Variants in AP1B1 observed in about 807,000 individuals in gnomAD.
The protein encoded by AP1B1 is AP-1 complex subunit beta-1.
In AP1B1, 36 loss-of-function variants were observed where a neutral mutation model predicts 104.3. The ratio of observed to expected loss-of-function variants is 0.35; its 90% CI spans 0.26 to 0.46. AP1B1 has a LOEUF of 0.46. Ranked by LOEUF, AP1B1 falls within the 20% of genes least tolerant of loss-of-function variation. AP1B1 has a pLI of 1.00. For missense variants in AP1B1, 901 were observed against 1,247.9 expected, an observed-to-expected ratio of 0.72 and a Z score of 4.19; for synonymous variants, 504 against 517.5, an observed-to-expected ratio of 0.97 and a Z score of 0.35.
chr22:29,358,895 G>A lies in AP1B1; in HGVS notation c.356C>T (p.Thr119Ile). The A allele has an allele frequency of 1.2e-6, 2 of 1,613,716 alleles. No homozygotes were observed. The highest frequency in any genetic ancestry group is 1.7e-6 in the Non-Finnish European group (2 of 1,179,860). ...TMGCIRVDKI[T>I]EYLCEPLRKC... The stretch of plus-strand genomic sequence containing the variant: ...CCGGAGTGGCTCGCACAGGTACTCT[G>A]TGATCTTGTCAACGCGGATGCAGCC... Residue 119 changes from threonine (T) to isoleucine (I), a missense_variant, in exon 5 of 23, where the codon ACA becomes ATA. Thr to Ile is a moderately conservative substitution (Grantham distance 89). Coordinates refer to ENST00000357586, the MANE Select transcript of AP1B1 (RefSeq NM_001127.4).
intron 1 of AP1B1, among the ~76,000 whole-genome samples, chr22:29,385,825 C>T (rs1232951032): frequency 6.6e-6 from 1 of 152,198 alleles, no homozygotes; most frequent in Non-Finnish European, 1.5e-5. Flanking sequence ...TGCTTACTGT[C>T]AGCATGTCAG....
chr22:29,334,415 A>G lies in AP1B1; in HGVS notation c.2164-5T>C. On this transcript the variant is annotated splice_region_variant and splice_polypyrimidine_tract_variant and intron_variant, in intron 16 of 22. Transcript: ENST00000357586. Reference sequence around the variant, plus strand: ...CTTCATGGCTGGGAGCCAGACCTGCAGGGAAGAGGGTGCGGAGGGGGCGGG... The same window carrying G: ...CTTCATGGCTGGGAGCCAGACCTGCGGGGAAGAGGGTGCGGAGGGGGCGGG... The G allele has an allele frequency of 6.3e-7, 1 of 1,599,356 alleles. No individual in the cohort carries two copies. Among genetic ancestry groups the G allele is most frequent in the Non-Finnish European group, 8.5e-7 (1 of 1,175,448 alleles).
intron 22 of AP1B1, 72 bp downstream of exon 22, chr22:29,329,640 G>A (rs2061527056): frequency 1.2e-6 from 2 of 1,606,228 alleles, no homozygotes; most frequent in Non-Finnish European, 1.7e-6. Flanking sequence ...AGGAGACATG[G>A]GGTGCATGGG....
At chr22:29,339,876 A>C (rs1251720358) in intron 14 of AP1B1, 102 bp from the exon 15 acceptor site, 34 of 1,300,338 alleles carry the variant, frequency 2.6e-5, no homozygotes, top group Non-Finnish European at 3.3e-5. Context: ...GGAAAGAGGG[A>C]GATTAGTCAA....
intron 1 of AP1B1, among the ~76,000 whole-genome samples, chr22:29,377,228 G>C (rs2062360053): frequency 6.8e-6 from 1 of 146,476 alleles, no homozygotes; most frequent in Non-Finnish European, 1.5e-5. Flanking sequence ...AAAGGAAAAA[G>C]GTCCTTATAG....
Position 29,367,338 on chromosome 22 carries a change from G to GGGA in AP1B1, c.-27-71_-27-69dup, listed in dbSNP as rs3044023. On this transcript the variant is annotated intron_variant, in intron 1 of 22. Coordinates refer to ENST00000357586, the MANE Select transcript of AP1B1 (RefSeq NM_001127.4). ...ATCCCATCTTCAGTTATGGTGCAGA[G>GGGA]GGAGGAGAAGGATCCAGAACACATG... is the stretch of plus-strand genomic sequence containing the variant. 108,911 of 553,934 alleles carry GGGA rather than the reference G, an allele frequency of 0.2. 25,258 individuals carry two copies. The highest frequency in any genetic ancestry group is 0.47 in the African/African-American group (10,737 of 22,766). 34.3% of individuals were successfully genotyped at this position (553,934 alleles called of 1,614,324 possible).
intron 7 of AP1B1, 64 bp from the exon 8 acceptor site, chr22:29,351,889 C>T: frequency 6.3e-7 from 1 of 1,590,560 alleles, no homozygotes; most frequent in Non-Finnish European, 8.6e-7. Flanking sequence ...AGAAAATGCC[C>T]TCCACATTTG....
intron 1 of AP1B1, among the ~76,000 whole-genome samples, chr22:29,372,373 G>A (rs1353606250): frequency 6.7e-6 from 1 of 149,010 alleles, no homozygotes; most frequent in Non-Finnish European, 1.5e-5. Context: ...GCAGTGAGGT[G>A]AGATCGCAGC....
intron 22 of AP1B1, chr22:29,329,415 C>G (rs942282493): frequency 2.3e-6 from 3 of 1,296,996 alleles, no homozygotes; most frequent in Non-Finnish European, 2.9e-6. Flanking sequence ...GGAGCCCCCA[C>G]CCATCCACTC....
At chr22:29,383,185 T>A (rs1410001413) in intron 1 of AP1B1, among the ~76,000 whole-genome samples, 1 of 152,250 alleles carries the variant, frequency 6.6e-6, no homozygotes, top group South Asian at 2.1e-4. Context: ...GTCTCTGTCC[T>A]CAGTGTCCCA....
rs773760827 is a variant in AP1B1, at chr22:29,330,540, G to A, written c.2612-8C>T. The A allele has an allele frequency of 1.9e-6, 3 of 1,610,276 alleles. No individual in the cohort carries two copies. The South Asian group carries it at 3.3e-5, about 18-fold the overall frequency. On this transcript the variant is annotated splice_region_variant and splice_polypyrimidine_tract_variant and intron_variant, in intron 20 of 22. Transcript: ENST00000357586. Reference sequence around the variant, plus strand: ...GCTTGCTGCTCGCAGCCTCTGTGGGGTCACATGGCCGTGAGAGGCCCCAGT... The same window carrying A: ...GCTTGCTGCTCGCAGCCTCTGTGGGATCACATGGCCGTGAGAGGCCCCAGT...
chr22:29,374,095 G>A (rs1157842629), intron 1 of AP1B1, among the ~76,000 whole-genome samples: 1 of 151,602 alleles, frequency 6.6e-6, no homozygotes, highest in Non-Finnish European at 1.5e-5. Context: ...CAGCTACTTG[G>A]GAGGCTGAGG....
At chr22:29,358,584 C>T in intron 5 of AP1B1, 142 bp downstream of exon 5, 1 of 1,192,008 alleles carries the variant, frequency 8.4e-7, no homozygotes, top group Non-Finnish European at 1.2e-6. Context: ...CCTGAACCAC[C>T]AAAAGGCACA....
At chr22:29,364,751 C>T (rs2062105872) in intron 2 of AP1B1, among the ~76,000 whole-genome samples, 1 of 151,094 alleles carries the variant, frequency 6.6e-6, no homozygotes, top group African/African-American at 2.4e-5. Flanking sequence ...CTCTGTCACC[C>T]AGGCTGGAGT....
intron 2 of AP1B1, among the ~76,000 whole-genome samples, chr22:29,363,812 G>A (rs546023300): frequency 1.3e-5 from 2 of 152,094 alleles, no homozygotes; most frequent in African/African-American, 4.8e-5. Flanking sequence ...CTGAAGAATC[G>A]TTTGAGCCCA....
intron 2 of AP1B1, among the ~76,000 whole-genome samples, chr22:29,365,859 C>A (rs1311758589): frequency 6.6e-6 from 1 of 151,792 alleles, no homozygotes; most frequent in African/African-American, 2.4e-5. Context: ...CACAGTCCCC[C>A]CTGGACCCAG....
At chr22:29,330,180 C>A (rs1418694021) in intron 21 of AP1B1, 198 bp downstream of exon 21, 7 of 1,444,136 alleles carry the variant, frequency 4.8e-6, no homozygotes, top group Non-Finnish European at 6.4e-6. Flanking sequence ...GTTCCGAGAC[C>A]CAATTGGTGT....
At chr22:29,374,251 A>T (rs1367869148) in intron 1 of AP1B1, among the ~76,000 whole-genome samples, 1 of 142,752 alleles carries the variant, frequency 7.0e-6, no homozygotes, top group Non-Finnish European at 1.5e-5. Context: ...TCAAATCTGG[A>T]GAAGAAAGGA....
At chr22:29,340,975 G>A (rs950050162) in intron 13 of AP1B1, 118 bp from the exon 14 acceptor site, 67 of 1,026,292 alleles carry the variant, frequency 6.5e-5, no homozygotes, top group South Asian at 9.7e-5. Flanking sequence ...CACTGTCCCC[G>A]ACAGGGCTGT....
Sources: allele counts gnomAD v4.1 joint callset (sites outside exome capture counted in the v4.1 genomes callset), GRCh38; gene constraint gnomAD v4.1.1; transcripts MANE v1.5; gene names NCBI Gene and HGNC (gene_info 2026-07-23, HGNC 2026-07-21).